The following MAPK14 variants were observed in gnomAD, a reference collection of about 807,000 sequenced individuals.
MAPK14 encodes mitogen-activated protein kinase 14.
Under a neutral mutation model 49.6 loss-of-function variants are expected in MAPK14, and 16 were observed. That is an observed-to-expected ratio of 0.32 (90% CI 0.22 to 0.49). The LOEUF (loss-of-function observed/expected upper bound fraction) is 0.49, where lower values mean the gene tolerates loss of function less well. Among genes scored for constraint, MAPK14 ranks in the 20% least tolerant of loss-of-function variants. MAPK14 has a pLI of 0.99. For synonymous variants in MAPK14, 142 were observed against 158.0 expected (o/e 0.90, Z 0.76); for missense variants, 200 against 441.2 (o/e 0.45, Z 4.90).
chr6:36,037,574 T>C (rs1581731403), intron 1 of MAPK14, among the ~76,000 whole-genome samples: 1 of 152,128 alleles, frequency 6.6e-6, no homozygotes, highest in Non-Finnish European at 1.5e-5. Flanking sequence ...CATAGGTTCA[T>C]GGTAATCTCC....
At chr6:36,114,067 G>C (rs1264585520), downstream of MAPK14, among the ~76,000 whole-genome samples, 2 of 152,232 alleles carry the variant, frequency 1.3e-5, no homozygotes, top group Non-Finnish European at 2.9e-5. Context: ...TGTGGAAGCT[G>C]TCCTGTGCAG....
At chr6:36,063,843 G>A (rs549110806) in intron 3 of MAPK14, among the ~76,000 whole-genome samples, 127 of 152,240 alleles carry the variant, frequency 8.3e-4, no homozygotes, top group Admixed American at 1.8e-3. Flanking sequence ...GCAAAATTTT[G>A]TAAAGATACA....
chr6:36,068,575 G>GT (rs1452166242), intron 3 of MAPK14, among the ~76,000 whole-genome samples: 15 of 151,922 alleles, frequency 9.9e-5, no homozygotes, highest in East Asian at 3.8e-4. Flanking sequence ...GAATAAATGG[G>GT]TTTTTTTGTT....
intron 8 of MAPK14, among the ~76,000 whole-genome samples, chr6:36,088,044 T>C (rs1437144923): frequency 1.3e-5 from 2 of 152,186 alleles, no homozygotes; most frequent in Admixed American, 1.3e-4. Flanking sequence ...CCCTATTTAA[T>C]AAATGGTGCT....
chr6:36,069,716 C>G (rs1764196433), intron 3 of MAPK14, among the ~76,000 whole-genome samples: 1 of 152,100 alleles, frequency 6.6e-6, no homozygotes, highest in Admixed American at 6.5e-5. Context: ...CCCTCTCTCT[C>G]TCTCTCTCTC....
chr6:36,041,182 T>C (rs1415390331), intron 1 of MAPK14, among the ~76,000 whole-genome samples: 1 of 152,130 alleles, frequency 6.6e-6, no homozygotes, highest in Non-Finnish European at 1.5e-5. Flanking sequence ...TAACTAACTT[T>C]AGTGTCACAA....
At chr6:36,078,063 G>A (rs1764601526) in intron 8 of MAPK14, among the ~76,000 whole-genome samples, 1 of 152,222 alleles carries the variant, frequency 6.6e-6, no homozygotes, top group Non-Finnish European at 1.5e-5. Flanking sequence ...GACACACAAG[G>A]TGGCAGAGAG....
At chr6:36,094,270 C>T (rs1765362892) in intron 8 of MAPK14, among the ~76,000 whole-genome samples, 1 of 152,114 alleles carries the variant, frequency 6.6e-6, no homozygotes, top group Non-Finnish European at 1.5e-5. Flanking sequence ...TGCTAAAGAA[C>T]ACAAGTTGTT....
downstream of MAPK14, among the ~76,000 whole-genome samples, chr6:36,114,345 G>A (rs570296763): frequency 3.7e-4 from 56 of 151,636 alleles, no homozygotes; most frequent in Non-Finnish European, 7.1e-4. Context: ...GGCCGGGCAC[G>A]GTGGCTCATG....
At chr6:36,102,765 G>A (rs1765680326) in intron 10 of MAPK14, 116 bp downstream of exon 10, 1 of 1,555,614 alleles carries the variant, frequency 6.4e-7, no homozygotes, top group South Asian at 1.2e-5. Context: ...TTGAATCTTG[G>A]AAGGTGATAA....
intron 3 of MAPK14, among the ~76,000 whole-genome samples, chr6:36,067,056 G>T (rs1581779572): frequency 6.6e-6 from 1 of 151,982 alleles, no homozygotes; most frequent in East Asian, 1.9e-4. Flanking sequence ...TATCAGAGAG[G>T]TCTGCTGAAA....
At chr6:36,086,922 C>T (rs992673224) in intron 8 of MAPK14, among the ~76,000 whole-genome samples, 1 of 152,228 alleles carries the variant, frequency 6.6e-6, no homozygotes, top group African/African-American at 2.4e-5. Flanking sequence ...AATCCAGCAG[C>T]ATGTCAAAAG....
chr6:36,089,497 A>G (rs970969609), intron 8 of MAPK14, among the ~76,000 whole-genome samples: 2 of 152,236 alleles, frequency 1.3e-5, no homozygotes, highest in African/African-American at 4.8e-5. Flanking sequence ...ATATTTACCT[A>G]TGTAACAAAC....
At chr6:36,052,360 CTT>C (rs1417310176) in intron 1 of MAPK14, among the ~76,000 whole-genome samples, 1 of 152,200 alleles carries the variant, frequency 6.6e-6, no homozygotes, top group African/African-American at 2.4e-5. Flanking sequence ...CATTTTAAAA[CTT>C]ATTTTCTGGC....
rs535762480 is a variant in MAPK14, at chr6:36,067,036, A to AT, written c.306-5827dup. Among the ~76,000 whole-genome samples, 355 of 150,230 alleles carry AT rather than the reference A, an allele frequency of 2.4e-3. 8 individuals carry two copies. The South Asian group carries it at 0.042, about 18-fold the overall frequency. On this transcript the variant is annotated intron_variant, in intron 3 of 11. Coordinates refer to ENST00000229794, the MANE Select transcript of MAPK14 (RefSeq NM_139012.3). ...TTAACTATTAACATTTATGTTTACA[A>AT]TTTTTTTTTTATCAGAGAGGTCTGC...
intron 10 of MAPK14, among the ~76,000 whole-genome samples, chr6:36,104,691 G>A (rs374302790): frequency 2.0e-5 from 3 of 152,100 alleles, no homozygotes; most frequent in Non-Finnish European, 2.9e-5. Context: ...CCAGCCCGTC[G>A]TGTTCTTTCT....
intron 9 of MAPK14, among the ~76,000 whole-genome samples, chr6:36,102,195 G>T (rs851004): frequency 0.89 from 135,139 of 152,268 alleles, 60,119 homozygotes; most frequent in East Asian, 1. Context: ...TCCAAGACTT[G>T]CTTTGGGAAT....
intron 3 of MAPK14, among the ~76,000 whole-genome samples, chr6:36,066,376 G>A (rs1202742536): frequency 2.7e-5 from 4 of 150,252 alleles, no homozygotes; most frequent in Middle Eastern, 3.2e-3. Flanking sequence ...CTAAGGGCCT[G>A]TCTCGTTTTC....
At chr6:36,044,039 A>C (rs1027418400) in intron 1 of MAPK14, among the ~76,000 whole-genome samples, 1 of 151,412 alleles carries the variant, frequency 6.6e-6, no homozygotes, top group Non-Finnish European at 1.5e-5. Context: ...CGAATACCCA[A>C]CCTCAGGTGA....
Sources: gnomAD v4.1 joint callset for allele counts (sites outside exome capture counted in the v4.1 genomes callset) on GRCh38, gnomAD v4.1.1 for gene constraint, MANE v1.5 for transcripts, NCBI Gene and HGNC (gene_info 2026-07-23, HGNC 2026-07-21) for gene names.